Variants in POLR3A observed in about 807,000 individuals in gnomAD.
POLR3A encodes DNA-directed RNA polymerase III subunit RPC1.
In POLR3A, 112 loss-of-function variants were observed where a neutral mutation model predicts 152.8. That is an observed-to-expected ratio of 0.73 (90% CI 0.63 to 0.86). The LOEUF (loss-of-function observed/expected upper bound fraction) is 0.86. Among genes scored for constraint, POLR3A ranks in the 40% least tolerant of loss-of-function variants. The pLI is 0.00. For synonymous variants in POLR3A, 615 were observed against 652.1 expected, an observed-to-expected ratio of 0.94 and a Z score of 0.87; for missense variants, 1,385 against 1,743.1, an observed-to-expected ratio of 0.79 and a Z score of 3.66.
chr10:77,979,492 C>T (rs2818829), intron 30 of POLR3A, among the ~76,000 whole-genome samples: 121,885 of 152,194 alleles, frequency 0.8, 49,358 homozygotes, highest in East Asian at 0.93. Flanking sequence ...AAGCCAGACA[C>T]TGGGGAGAGT....
intron 27 of POLR3A, 61 bp downstream of exon 27, chr10:77,982,592 G>T: frequency 1.4e-6 from 2 of 1,474,470 alleles, no homozygotes; most frequent in Non-Finnish European, 1.9e-6. Flanking sequence ...TTAGGTCCCA[G>T]CCCTGGGTGT....
chr10:77,985,691 G>A (rs902572643), intron 23 of POLR3A, among the ~76,000 whole-genome samples: 1 of 152,224 alleles, frequency 6.6e-6, no homozygotes, highest in Non-Finnish European at 1.5e-5. Flanking sequence ...ATGGGGAGAA[G>A]ACACTAAGAA....
chr10:78,010,019 A>T lies in POLR3A; in HGVS notation c.1643-28T>A, dbSNP rs1207816016. The stretch of plus-strand genomic sequence containing the variant: ...AAGCATTAGGAACCAACACAAAACA[A>T]AGAAAAGGAATGAAATTGTGAGAAT... On this transcript the variant is annotated intron_variant, in intron 12 of 30. Coordinates refer to ENST00000372371, the MANE Select transcript of POLR3A (RefSeq NM_007055.4). 3 of 1,613,084 alleles carry T rather than the reference A, an allele frequency of 1.9e-6. No homozygotes were observed. The African/African-American group carries it at 4.0e-5, about 22-fold the overall frequency.
intron 30 of POLR3A, among the ~76,000 whole-genome samples, chr10:77,979,051 G>C (rs1263174110): frequency 1.3e-5 from 2 of 152,040 alleles, no homozygotes; most frequent in African/African-American, 4.8e-5. Context: ...GGGCTCAAGT[G>C]ATCGTCCTGC....
At chr10:78,000,156 A>G in intron 18 of POLR3A, 38 bp from the exon 19 acceptor site, 6 of 1,606,812 alleles carry the variant, frequency 3.7e-6, no homozygotes, top group Non-Finnish European at 5.1e-6. Flanking sequence ...CAAACAAAAA[A>G]AGTTCAAGGC....
At chr10:78,010,881 T>C (rs1047434580) in intron 11 of POLR3A, among the ~76,000 whole-genome samples, 8 of 152,234 alleles carry the variant, frequency 5.3e-5, no homozygotes, top group African/African-American at 1.7e-4. Flanking sequence ...GTCTTGCTTA[T>C]AGCCCAGGTT....
In POLR3A at chr10:77,985,150, A is replaced by T; in HGVS notation, c.3242+20T>A. 1 of 1,602,840 alleles carries T rather than the reference A, an allele frequency of 6.2e-7. No homozygotes were observed. Among genetic ancestry groups the T allele is most frequent in the Non-Finnish European group, 8.5e-7 (1 of 1,169,666 alleles). The stretch of plus-strand genomic sequence containing the variant: ...ACAGGACAGGCATGTGTGGAACAAG[A>T]AGGAAATGAAAGCAGGCACCTGATG... On this transcript the variant is annotated intron_variant, in intron 24 of 30. Coordinates refer to ENST00000372371, the MANE Select transcript of POLR3A (RefSeq NM_007055.4).
intron 19 of POLR3A, among the ~76,000 whole-genome samples, chr10:77,997,750 A>G (rs1847315619): frequency 6.6e-6 from 1 of 151,428 alleles, no homozygotes; most frequent in Non-Finnish European, 1.5e-5. Context: ...TATAGACTCA[A>G]TGCCATCCCC....
chr10:77,984,427 T>G (rs1248744457), intron 24 of POLR3A, 129 bp from the exon 25 acceptor site: 8 of 700,704 alleles, frequency 1.1e-5, no homozygotes, highest in Non-Finnish European at 1.6e-5. Context: ...CTGAGCAAGC[T>G]CTGCCTCCCA....
Position 77,977,306 on chromosome 10 carries a change from C to A in POLR3A, c.*172G>T. The A allele has an allele frequency of 9.7e-6, 7 of 719,184 alleles. No homozygotes were observed. Among genetic ancestry groups the A allele is most frequent in the Non-Finnish European group, 1.8e-5 (7 of 398,220 alleles). The allele number at this position is 719,184 out of a possible 1,614,324, so 44.6% of individuals were successfully genotyped here. A position where few individuals can be genotyped will look rare whatever the true frequency, so the allele number is the denominator to read the frequency against. The stretch of plus-strand genomic sequence containing the variant: ...GCACAGTCAGGGTCACTGGTGTGAG[C>A]TGCACCCTATCAGAGGAGAAGCTGC... On this transcript the variant is annotated 3_prime_UTR_variant, in exon 31 of 31. Transcript: ENST00000372371.
At chr10:77,999,645 C>A (rs1224243547) in intron 19 of POLR3A, among the ~76,000 whole-genome samples, 1 of 152,148 alleles carries the variant, frequency 6.6e-6, no homozygotes, top group East Asian at 1.9e-4. Flanking sequence ...GAGGCAGAGG[C>A]CTTGCAATAA....
intron 8 of POLR3A, among the ~76,000 whole-genome samples, chr10:78,020,524 C>T (rs1003429972): frequency 6.6e-6 from 1 of 151,278 alleles, no homozygotes; most frequent in African/African-American, 2.4e-5. Context: ...TGCGGTGGCT[C>T]ATACCTGTAA....
chr10:77,993,549 A>G (rs1483479027), intron 19 of POLR3A, among the ~76,000 whole-genome samples, 182 bp from the exon 20 acceptor site: 1 of 152,206 alleles, frequency 6.6e-6, no homozygotes, highest in Admixed American at 6.5e-5. Context: ...ATGCCTTACT[A>G]GCCTGTGCAG....
At position 77,986,113 on chromosome 10, in the gene POLR3A, G is replaced by T. The variant is rs756864064; in HGVS notation, c.2948C>A (p.Thr983Asn). 17 of 1,600,234 alleles carry T rather than the reference G, an allele frequency of 1.1e-5. No individual in the cohort carries two copies. Among genetic ancestry groups the T allele is most frequent in the Non-Finnish European group, 1.3e-5 (15 of 1,167,560 alleles). ...IKGVSEKIKKTRDKYGINDNG... is the reference protein window; with the variant it reads ...IKGVSEKIKKNRDKYGINDNG... Reference sequence around the variant, plus strand: ...ATCATTGATGCCATATTTATCTCTGGTTTTCTTGATCTTCTCAGAGACCCC... The same window carrying T: ...ATCATTGATGCCATATTTATCTCTGTTTTTCTTGATCTTCTCAGAGACCCC... The change falls in exon 22 of 31, where the codon ACC (threonine) becomes AAC (asparagine). Residue 983 changes from threonine to asparagine, a missense_variant. Physicochemically the swap from Thr to Asn is moderately conservative, Grantham distance 65 (BLOSUM62 0). This residue lies in a region of POLR3A where 178 missense variants were observed against 204.6 expected (regional missense o/e 0.87). Coordinates refer to ENST00000372371, the MANE Select transcript of POLR3A (RefSeq NM_007055.4).
At position 78,019,159 on chromosome 10, in the gene POLR3A, T is replaced by C. The variant is rs750084731; in HGVS notation, c.1289+3A>G. 4 of 1,598,970 alleles carry C rather than the reference T, an allele frequency of 2.5e-6. No homozygotes were observed. Among genetic ancestry groups the C allele is most frequent in the Non-Finnish European group, 3.4e-6 (4 of 1,166,328 alleles). On this transcript the variant is annotated splice_donor_region_variant and intron_variant, in intron 9 of 30. Coordinates refer to ENST00000372371, the MANE Select transcript of POLR3A (RefSeq NM_007055.4). ...AAATCCAACTAGATTGGGAAAAGAT[T>C]ACCTTTTCATCTGCGTATGTCTCTG...
At chr10:77,989,562 G>A (rs896698638) in intron 21 of POLR3A, among the ~76,000 whole-genome samples, 9 of 152,120 alleles carry the variant, frequency 5.9e-5, no homozygotes, top group South Asian at 2.1e-4. Flanking sequence ...AAATGCTGCC[G>A]GGTAGGAGGT....
chr10:78,025,745 C>G lies in POLR3A; in HGVS notation c.195G>C (p.Lys65Asn). ...TCCCACAGGTTTCACATGGACGATC[C>G]TTCTCACTCGTACCCTTTGAAAAAA... is the stretch of plus-strand genomic sequence containing the variant. ...VLDHRMGTSE[K>N]DRPCETCGKN... Residue 65 changes from lysine to asparagine, a missense_variant, in exon 3 of 31, where the codon AAG (lysine) becomes AAC (asparagine). By Grantham distance (94) the Lys-to-Asn change is moderately conservative. Around this residue, in one of 7 missense-constraint regions of POLR3A, gnomAD observed 493 missense variants for 647.5 expected, o/e 0.76. Transcript: ENST00000372371. 1 of 1,614,110 alleles carries G rather than the reference C, an allele frequency of 6.2e-7. No homozygotes were observed. Among genetic ancestry groups the G allele is most frequent in the African/African-American group, 1.3e-5 (1 of 75,028 alleles).
chr10:77,994,919 G>T (rs935162806), intron 19 of POLR3A, among the ~76,000 whole-genome samples: 2 of 150,952 alleles, frequency 1.3e-5, no homozygotes, highest in Non-Finnish European at 3.0e-5. Flanking sequence ...GAGAAAGGTC[G>T]GGTTACCCAC....
At chr10:78,003,227 G>A (rs192903326) in intron 16 of POLR3A, among the ~76,000 whole-genome samples, 18 of 152,330 alleles carry the variant, frequency 1.2e-4, no homozygotes, top group African/African-American at 3.4e-4. Context: ...GTACCGGTGA[G>A]GGATATCCTT....
Sources: allele counts gnomAD v4.1 joint callset (sites outside exome capture counted in the v4.1 genomes callset), GRCh38; gene constraint gnomAD v4.1.1; regional missense constraint gnomAD v4.1.1; transcripts MANE v1.5; gene names NCBI Gene and HGNC (gene_info 2026-07-23, HGNC 2026-07-21).